The following TPD52 variants were observed in gnomAD, a reference collection of about 807,000 sequenced individuals.
The protein encoded by TPD52 is tumor protein D52, also known as prostate and colon associated protein.
TPD52 carries 17 observed loss-of-function variants against 31.3 expected under a neutral mutation model. That is an observed-to-expected ratio of 0.54 (90% CI 0.37 to 0.82). The LOEUF is 0.82. Ranked by LOEUF, TPD52 falls within the 40% of genes least tolerant of loss-of-function variation. TPD52 has a pLI of 0.00. For missense variants in TPD52, 212 were observed against 240.1 expected (o/e 0.88, Z 0.77); for synonymous variants, 83 against 89.6 (o/e 0.93, Z 0.42).
rs774656079 is a variant in TPD52 at position 80,053,447 on chromosome 8, TG to T, written c.136-18del. The T allele has an allele frequency of 1.2e-6, 2 of 1,611,680 alleles. No individual in the cohort carries two copies. The highest frequency in any genetic ancestry group is 4.5e-5 in the East Asian group (2 of 44,848). ...TTCTTCTACCTATGAGGAAGGGGTT[TG>T]GGGTAAGAATATAGCAAAAGTCATT... On this transcript the variant is annotated intron_variant, in intron 2 of 7. Coordinates refer to ENST00000518937, the MANE Select transcript of TPD52 (RefSeq NM_001025253.3).
intron 3 of TPD52, 26 bp downstream of exon 3, chr8:80,053,256 G>GA: frequency 1.2e-6 from 2 of 1,610,702 alleles, no homozygotes; most frequent in Non-Finnish European, 1.7e-6. Flanking sequence ...CACTCCCAAG[G>GA]AAAGTGTATG....
At chr8:80,164,918 A>T (rs1164593965) in intron 1 of TPD52, among the ~76,000 whole-genome samples, 1 of 149,438 alleles carries the variant, frequency 6.7e-6, no homozygotes, top group African/African-American at 2.5e-5. Context: ...AAAAAAAAAA[A>T]AAAAAAAAAG....
intron 1 of TPD52, among the ~76,000 whole-genome samples, chr8:80,114,131 C>T (rs1412371397): frequency 1.3e-5 from 2 of 152,022 alleles, no homozygotes; most frequent in Non-Finnish European, 2.9e-5. Flanking sequence ...TGTAGCTGCT[C>T]AGCAGGCTGA....
intron 3 of TPD52, among the ~76,000 whole-genome samples, chr8:80,052,010 T>A (rs1811431704): frequency 6.6e-6 from 1 of 152,170 alleles, no homozygotes; most frequent in African/African-American, 2.4e-5. Context: ...GAAATCAAAT[T>A]CCTCAGATGC....
chr8:80,134,705 G>A (rs948668333), intron 1 of TPD52, among the ~76,000 whole-genome samples: 47 of 152,302 alleles, frequency 3.1e-4, no homozygotes, highest in African/African-American at 1.1e-3. Context: ...GAGGCCTCCT[G>A]CCAGCAACTA....
chr8:80,135,034 G>C (rs1809291565), intron 1 of TPD52, among the ~76,000 whole-genome samples: 1 of 152,176 alleles, frequency 6.6e-6, no homozygotes, highest in Non-Finnish European at 1.5e-5. Flanking sequence ...TTCCCTTCCA[G>C]GAGACGTACG....
chr8:80,153,988 C>T (rs1163812098), intron 1 of TPD52, among the ~76,000 whole-genome samples: 1 of 152,200 alleles, frequency 6.6e-6, no homozygotes, highest in Non-Finnish European at 1.5e-5. Context: ...CAAACCATCC[C>T]CATCCCTCCC....
chr8:80,144,263 A>T (rs551375140), intron 1 of TPD52, among the ~76,000 whole-genome samples: 8 of 152,210 alleles, frequency 5.3e-5, no homozygotes, highest in African/African-American at 1.9e-4. Context: ...ATTACATCTT[A>T]ATATTACCAA....
At position 80,078,628 on chromosome 8, in the gene TPD52, T is replaced by G. The variant is rs554746361; in HGVS notation, c.20-14035A>C. On this transcript the variant is annotated intron_variant, in intron 1 of 7. Coordinates refer to ENST00000518937, the MANE Select transcript of TPD52 (RefSeq NM_001025253.3). ...TCACTGTGTTCTTACAGATGACTGC[T>G]GAGGGTGGTTTCTGCTTGTTTTAAT... 2.8e-4 allele frequency among the ~76,000 whole-genome samples: 42 copies of G among 152,346 alleles called. No homozygotes were observed. In the South Asian group the frequency reaches 5.4e-3, roughly 20 times the overall value.
At chr8:80,099,109 T>C (rs1284219473) in intron 1 of TPD52, among the ~76,000 whole-genome samples, 2 of 152,206 alleles carry the variant, frequency 1.3e-5, no homozygotes, top group Non-Finnish European at 2.9e-5. Flanking sequence ...GACTACAGTA[T>C]AGTGTAAACA....
At chr8:80,072,326 T>TGTGTGTGTGTGC (rs1224319093) in intron 1 of TPD52, among the ~76,000 whole-genome samples, 3 of 148,974 alleles carry the variant, frequency 2.0e-5, no homozygotes, top group Non-Finnish European at 4.4e-5. Flanking sequence ...TATGTGTGTG[T>TGTGTGTGTGTGC]GTGTGTGTGT....
At chr8:80,142,629 G>A (rs1302247208) in intron 1 of TPD52, among the ~76,000 whole-genome samples, 1 of 152,012 alleles carries the variant, frequency 6.6e-6, no homozygotes, top group Admixed American at 6.5e-5. Flanking sequence ...TTGAACCCAG[G>A]AGGTGGAGGT....
At position 80,051,578 on chromosome 8, in the gene TPD52, G is replaced by A. The variant is rs752271258; in HGVS notation, c.335C>T (p.Ala112Val). The A allele has an allele frequency of 6.2e-7, 1 of 1,613,624 alleles. No homozygotes were observed. Among genetic ancestry groups the A allele is most frequent in the Admixed American group, 1.7e-5 (1 of 59,946 alleles). Residue 112 changes from alanine (A) to valine (V), a missense_variant, in exon 4 of 8, where the codon GCT becomes GTT. Physicochemically the swap from Ala to Val is moderately conservative, Grantham distance 64 (BLOSUM62 0). Coordinates refer to ENST00000518937, the MANE Select transcript of TPD52 (RefSeq NM_001025253.3). ...TLSQAGQKAS[A>V]AFSSVGSVIT... ...GACTGAGCCAACAGACGAAAAAGCA[G>A]CTGAGGCCTTCTGTCCAGCCTGGGA...
rs61266725 is a variant in TPD52, at chr8:80,094,430, T to TTATATA, written c.20-29843_20-29838dup. On this transcript the variant is annotated intron_variant, in intron 1 of 7. Coordinates refer to ENST00000518937, the MANE Select transcript of TPD52 (RefSeq NM_001025253.3). Reference sequence around the variant, plus strand: ...ACTAAGTTCTAGACAAAAGAAAATTTTATATATATATATATATATATATAT... The same window carrying TTATATA: ...ACTAAGTTCTAGACAAAAGAAAATTTTATATATATATATATATATATATATATATAT... Among the ~76,000 whole-genome samples, 190 of 53,588 alleles carry TTATATA rather than the reference T, an allele frequency of 3.5e-3. 3 individuals are homozygous for TTATATA. The highest frequency in any genetic ancestry group is 6.2e-3 in the Non-Finnish European group (144 of 23,328). 35.2% of individuals were successfully genotyped at this position (53,588 alleles called of 152,430 possible).
In TPD52 at chr8:80,064,575, G is replaced by C; in HGVS notation, c.38C>G (p.Pro13Arg). The C allele has an allele frequency of 1.2e-6, 2 of 1,614,074 alleles. No individual in the cohort carries two copies. The highest frequency in any genetic ancestry group is 1.7e-6 in the Non-Finnish European group (2 of 1,179,936). The change falls in exon 2 of 8, where the codon CCA becomes CGA. Residue 13 changes from proline to arginine, a missense_variant. Coordinates refer to ENST00000518937, the MANE Select transcript of TPD52 (RefSeq NM_001025253.3). The stretch of plus-strand genomic sequence containing the variant: ...AACATCTTCTCCTTCCTCAGGGACT[G>C]GGTCTGTTCTCAGCAGACCTGGTTG... ...RGEQGLLRTDPVPEEGEDVAA... is the reference protein window; with the variant it reads ...RGEQGLLRTDRVPEEGEDVAA...
intron 1 of TPD52, among the ~76,000 whole-genome samples, chr8:80,089,302 C>A (rs1816070824): frequency 6.6e-6 from 1 of 152,058 alleles, no homozygotes; most frequent in Admixed American, 6.6e-5. Flanking sequence ...ACGTGTGATA[C>A]CCCAGCAGGA....
chr8:80,117,690 A>G (rs899639935), intron 1 of TPD52, among the ~76,000 whole-genome samples: 1 of 151,948 alleles, frequency 6.6e-6, no homozygotes, highest in African/African-American at 2.4e-5. Context: ...CAATCTTGAA[A>G]GAGAGAACAA....
intron 1 of TPD52, among the ~76,000 whole-genome samples, chr8:80,162,346 G>A (rs2131260745): frequency 6.6e-6 from 1 of 152,262 alleles, no homozygotes; most frequent in African/African-American, 2.4e-5. Context: ...TTGCCAAGGA[G>A]GGAAGGTGAC....
intron 1 of TPD52, among the ~76,000 whole-genome samples, chr8:80,145,353 A>C: frequency 6.6e-6 from 1 of 152,190 alleles, no homozygotes; most frequent in East Asian, 1.9e-4. Flanking sequence ...ATGGCAGGTG[A>C]TCTTTGAGCG....
Sources: allele counts gnomAD v4.1 joint callset (sites outside exome capture counted in the v4.1 genomes callset), GRCh38; gene constraint gnomAD v4.1.1; transcripts MANE v1.5; gene names NCBI Gene and HGNC (gene_info 2026-07-23, HGNC 2026-07-21).